PLD1: variants seen among roughly 807,000 people sequenced by gnomAD.
PLD1 encodes phospholipase D1.
PLD1 carries 112 observed loss-of-function variants against 137.1 expected under a neutral mutation model. That is an observed-to-expected ratio of 0.82 (90% CI 0.70 to 0.96). The LOEUF (loss-of-function observed/expected upper bound fraction) is 0.96, where lower values mean the gene tolerates loss of function less well. PLD1 is among the 40% of genes least tolerant of loss of function. The pLI, the probability that PLD1 is intolerant of heterozygous loss-of-function variation, is 0.00. For missense variants in PLD1, 1,321 were observed against 1,342.0 expected (o/e 0.98, Z 0.24); for synonymous variants, 431 against 454.7 (o/e 0.95, Z 0.66).
Position 171,785,733 on chromosome 3 carries a change from A to G in PLD1, c.-32+24666T>C, listed in dbSNP as rs565900990. On this transcript the variant is annotated intron_variant, in intron 1 of 26. Coordinates refer to ENST00000351298, the MANE Select transcript of PLD1 (RefSeq NM_002662.5). ...ATTATAGGCGTGAGCCACCACGCCC[A>G]GCCTCCAGTGTCTATTTTACACTTA... Among the ~76,000 whole-genome samples, 10 of 152,248 alleles carry G rather than the reference A, an allele frequency of 6.6e-5. No individual in the cohort carries two copies. In the East Asian group the frequency reaches 1.5e-3, roughly 24 times the overall value.
At chr3:171,708,964 CT>C in intron 10 of PLD1, 126 bp from the exon 11 acceptor site, 1 of 613,218 alleles carries the variant, frequency 1.6e-6, no homozygotes, top group Non-Finnish European at 2.9e-6. Context: ...CCACCATTGA[CT>C]TTGTGGACCT....
intron 16 of PLD1, among the ~76,000 whole-genome samples, chr3:171,681,664 T>A (rs1423912234): frequency 1.3e-5 from 2 of 152,216 alleles, no homozygotes; most frequent in Non-Finnish European, 2.9e-5. Context: ...GTATTTCGTC[T>A]GTGGATCAAT....
At chr3:171,618,716 GTGTA>G (rs200091522) in intron 24 of PLD1, among the ~76,000 whole-genome samples, 1,955 of 125,650 alleles carry the variant, frequency 0.016, 19 homozygotes, top group African/African-American at 0.024. Flanking sequence ...TATTAAAAGT[GTGTA>G]TGTGTGTGTG....
chr3:171,724,728 A>G lies in PLD1; in HGVS notation c.726T>C (p.Gly242=). ...ACCATCTGTAGCAGGCTCTTCCCTG[A>G]CCACAGCAATTCAAGCCTGGTATTC... ...GHRIPGLNCC[G]QGRACYRWSK... Residue 242 remains glycine, a synonymous_variant, in exon 8 of 27, where the codon GGT becomes GGC. Coordinates refer to ENST00000351298, the MANE Select transcript of PLD1 (RefSeq NM_002662.5). The G allele has an allele frequency of 1.2e-6, 2 of 1,610,500 alleles. No individual in the cohort carries two copies. Among genetic ancestry groups the G allele is most frequent in the Non-Finnish European group, 1.7e-6 (2 of 1,177,176 alleles).
At chr3:171,649,710 T>G (rs1434681430) in intron 21 of PLD1, among the ~76,000 whole-genome samples, 5 of 152,248 alleles carry the variant, frequency 3.3e-5, no homozygotes. Flanking sequence ...TCATCCACAT[T>G]AGTTCAAAGC....
rs1274849591 is a variant in PLD1, at chr3:171,692,439, G to A, written c.1231C>T (p.Gln411Ter). ...LDCILKRKAQ[Q>*]GVRIFIMLYK... is the part of the protein sequence containing the mutation. ...AGCATTATGAAGATCCTCACTCCTT[G>A]TTGCTGTCACAGGAGAAAACCGATG... is the stretch of plus-strand genomic sequence containing the variant. Residue 411 changes from glutamine (Q) to a stop codon, truncating the protein, a stop_gained, in exon 13 of 27, where the codon CAA (glutamine) becomes TAA (stop). Transcript: ENST00000351298. LOFTEE classifies it high-confidence loss of function. The A allele has an allele frequency of 2.0e-6, 3 of 1,518,196 alleles. No individual in the cohort carries two copies. In the South Asian group the frequency reaches 3.4e-5, roughly 17 times the overall value. The allele number at this position is 1,518,196 out of a possible 1,614,324, so 94.0% of individuals were successfully genotyped here.
intron 22 of PLD1, 112 bp downstream of exon 22, chr3:171,644,798 T>A: frequency 2.8e-6 from 2 of 706,992 alleles, no homozygotes; most frequent in Non-Finnish European, 5.2e-6. Flanking sequence ...AATAAAGTGT[T>A]CATTTGTTCC....
At chr3:171,672,231 C>T (rs1428499143) in intron 19 of PLD1, among the ~76,000 whole-genome samples, 1 of 152,186 alleles carries the variant, frequency 6.6e-6, no homozygotes, top group African/African-American at 2.4e-5. Context: ...TATCTCTCCC[C>T]AGCTAACTAA....
intron 12 of PLD1, among the ~76,000 whole-genome samples, chr3:171,699,428 A>G (rs1211632280): frequency 2.0e-5 from 3 of 152,208 alleles, no homozygotes; most frequent in Non-Finnish European, 4.4e-5. Context: ...GCTATGCTCC[A>G]TTTCATCATT....
intron 1 of PLD1, among the ~76,000 whole-genome samples, chr3:171,747,371 G>A (rs756754999): frequency 1.2e-4 from 19 of 152,202 alleles, no homozygotes; most frequent in Non-Finnish European, 2.2e-4. Context: ...TCTGGATGAT[G>A]TTCTATGTGA....
intron 1 of PLD1, among the ~76,000 whole-genome samples, chr3:171,747,420 G>C (rs1287201676): frequency 6.6e-6 from 1 of 151,844 alleles, no homozygotes; most frequent in Non-Finnish European, 1.5e-5. Flanking sequence ...GCTATGGCCA[G>C]CCAGGAAATG....
intron 26 of PLD1, among the ~76,000 whole-genome samples, chr3:171,603,627 ATTGC>A (rs1731985060): frequency 6.6e-6 from 1 of 152,190 alleles, no homozygotes; most frequent in Admixed American, 6.5e-5. Flanking sequence ...TAAGAGGAAT[ATTGC>A]ATATTATATT....
intron 19 of PLD1, among the ~76,000 whole-genome samples, chr3:171,670,309 G>C (rs1199997566): frequency 6.6e-6 from 1 of 152,214 alleles, no homozygotes; most frequent in African/African-American, 2.4e-5. Context: ...AGAAATAACA[G>C]AAGACTTGAG....
At chr3:171,632,655 A>C (rs1251693256) in intron 23 of PLD1, among the ~76,000 whole-genome samples, 3 of 152,206 alleles carry the variant, frequency 2.0e-5, no homozygotes, top group Non-Finnish European at 4.4e-5. Flanking sequence ...TGATAAAGCA[A>C]AGAAAGTAAA....
At chr3:171,605,230 A>AAT in intron 26 of PLD1, 69 bp downstream of exon 26, 1 of 922,138 alleles carries the variant, frequency 1.1e-6, no homozygotes, top group Non-Finnish European at 1.8e-6. Context: ...AATATGCAGA[A>AAT]ATAACAATAT....
chr3:171,710,213 A>C (rs1239474123), intron 9 of PLD1, among the ~76,000 whole-genome samples: 1 of 152,026 alleles, frequency 6.6e-6, no homozygotes, highest in Admixed American at 6.5e-5. Flanking sequence ...GGCACCCGCC[A>C]CCACGCCCGG....
chr3:171,775,694 T>C (rs1237642684), intron 1 of PLD1, among the ~76,000 whole-genome samples: 1 of 151,944 alleles, frequency 6.6e-6, no homozygotes, highest in African/African-American at 2.4e-5. Context: ...AATACAAAAA[T>C]TAGCCGGGCG....
At position 171,621,711 on chromosome 3, in the gene PLD1, C is replaced by T. The variant is rs189285453; in HGVS notation, c.2594-1191G>A. On this transcript the variant is annotated intron_variant, in intron 23 of 26. Transcript: ENST00000351298. ...ACTAGTACACCATGTGTAAGAGATG[C>T]ATTTCTAAAACGTTTCATGTAAATG... 2.6e-3 allele frequency among the ~76,000 whole-genome samples: 393 copies of T among 152,210 alleles called. 8 individuals are homozygous for T. Among genetic ancestry groups the T allele is most frequent in the Admixed American group, 0.024 (372 of 15,296 alleles).
intron 18 of PLD1, among the ~76,000 whole-genome samples, chr3:171,676,274 A>G (rs980990737): frequency 1.4e-4 from 22 of 152,206 alleles, no homozygotes; most frequent in African/African-American, 4.6e-4. Flanking sequence ...GCTCAGAACC[A>G]GCTCTCAGAA....
Sources: gnomAD v4.1 joint callset for allele counts (sites outside exome capture counted in the v4.1 genomes callset) on GRCh38, gnomAD v4.1.1 for gene constraint, MANE v1.5 for transcripts, NCBI Gene and HGNC (gene_info 2026-07-23, HGNC 2026-07-21) for gene names.